Variants in TMPRSS9 observed in about 807,000 individuals in gnomAD.
The protein encoded by TMPRSS9 is transmembrane serine protease 9, also known as transmembrane protease serine 9.
A neutral mutation model predicts 111.4 loss-of-function variants in TMPRSS9; 113 were observed. The observed-to-expected ratio is 1.01, with a 90% CI of 0.87 to 1.19. TMPRSS9 has a LOEUF of 1.19. TMPRSS9 is among the 50% of genes most tolerant of loss of function. TMPRSS9 has a pLI of 0.00. For missense variants in TMPRSS9, 1,803 were observed against 1,513.1 expected (o/e 1.19, Z -3.18); for synonymous variants, 805 against 659.1 (o/e 1.22, Z -3.39).
At chr19:2,383,381 T>C (rs1004515734) in intron 1 of TMPRSS9, among the ~76,000 whole-genome samples, 1 of 148,784 alleles carries the variant, frequency 6.7e-6, no homozygotes, top group Non-Finnish European at 1.5e-5. Flanking sequence ...TTAATTGGGC[T>C]GGGTGGGTGC....
chr19:2,396,049 C>T (rs1263184720), intron 1 of TMPRSS9: 1 of 153,060 alleles, frequency 6.5e-6, no homozygotes, highest in Non-Finnish European at 1.5e-5. Context: ...TTGAAGATGA[C>T]CTCATGGGAC....
intron 4 of TMPRSS9, among the ~76,000 whole-genome samples, chr19:2,400,843 G>C (rs1384685162): frequency 6.6e-6 from 1 of 150,832 alleles, no homozygotes; most frequent in African/African-American, 2.4e-5. Flanking sequence ...GCATGGTGGC[G>C]GGCGCCTATA....
intron 1 of TMPRSS9, among the ~76,000 whole-genome samples, chr19:2,366,607 C>T (rs1002021058): frequency 1.3e-5 from 2 of 150,994 alleles, no homozygotes; most frequent in African/African-American, 4.9e-5. Flanking sequence ...CCTGTAATCC[C>T]AGCACTTTGG....
At chr19:2,421,775 A>G in intron 13 of TMPRSS9, 79 bp from the exon 15 acceptor site, 2 of 1,459,972 alleles carry the variant, frequency 1.4e-6, no homozygotes, top group Non-Finnish European at 1.8e-6. Flanking sequence ...CACCCACTGT[A>G]GGAACGCAGG....
upstream of TMPRSS9, among the ~76,000 whole-genome samples, chr19:2,389,439 G>A (rs1403289085): frequency 7.3e-5 from 9 of 123,260 alleles, no homozygotes; most frequent in East Asian, 2.4e-4. Flanking sequence ...GCGTGATCTC[G>A]GTTCACTGCA....
At chr19:2,404,444 G>A (rs1416283191) in intron 6 of TMPRSS9, among the ~76,000 whole-genome samples, 1 of 151,952 alleles carries the variant, frequency 6.6e-6, no homozygotes, top group Non-Finnish European at 1.5e-5. Flanking sequence ...TTGGGAGGCT[G>A]AGGCAGGAGA....
chr19:2,380,859 A>C (rs1272221768), intron 1 of TMPRSS9, among the ~76,000 whole-genome samples: 1 of 152,158 alleles, frequency 6.6e-6, no homozygotes, highest in Non-Finnish European at 1.5e-5. Context: ...CTTCTGCCAC[A>C]GGGATTCTAG....
At chr19:2,378,178 C>T (rs1038061181) in intron 1 of TMPRSS9, among the ~76,000 whole-genome samples, 2 of 152,130 alleles carry the variant, frequency 1.3e-5, no homozygotes, top group Non-Finnish European at 2.9e-5. Context: ...CCACACCTGA[C>T]CCCCCTTTTC....
chr19:2,413,810 T>A lies in TMPRSS9; in HGVS notation c.1365T>A (p.Tyr455Ter). Reference sequence around the variant, plus strand: ...CGGAAGCCCGGCGTCCAGGGGTCTATGCCCGAGTCACCAGGCTACGTGACT... The same window carrying A: ...CGGAAGCCCGGCGTCCAGGGGTCTAAGCCCGAGTCACCAGGCTACGTGACT... Residue 455 changes from tyrosine (Y) to a stop codon, truncating the protein, a stop_gained, in exon 10 of 18, where the codon TAT (tyrosine) becomes TAA (stop). Coordinates refer to ENST00000648592, the Ensembl canonical transcript of TMPRSS9. LOFTEE classifies it high-confidence loss of function. 6.2e-7 allele frequency: 1 copy of A among 1,613,816 alleles called. No homozygotes were observed. The highest frequency in any genetic ancestry group is 8.5e-7 in the Non-Finnish European group (1 of 1,180,016).
chr19:2,363,787 T>TGTGTGTGTGTGTGCGCGCGC (rs143993232), intron 1 of TMPRSS9, among the ~76,000 whole-genome samples: 2 of 132,570 alleles, frequency 1.5e-5, no homozygotes, highest in African/African-American at 5.9e-5. Flanking sequence ...ACTCTGTGTG[T>TGTGTGTGTGTGTGCGCGCGC]GAGTGTGTGT....
At chr19:2,389,455 C>T (rs1221844142), upstream of TMPRSS9, among the ~76,000 whole-genome samples, 7 of 150,558 alleles carry the variant, frequency 4.6e-5, no homozygotes, top group African/African-American at 9.8e-5. Flanking sequence ...CTGCAGCCTC[C>T]GCCTCCCGGG....
chr19:2,363,273 A>G (rs921486174), intron 1 of TMPRSS9, among the ~76,000 whole-genome samples: 1 of 152,150 alleles, frequency 6.6e-6, no homozygotes, highest in Non-Finnish European at 1.5e-5. Flanking sequence ...GAGAGTCCTT[A>G]GGCAAAAGGT....
At chr19:2,399,028 T>G in exon 4 of TMPRSS9, 1 of 1,611,466 alleles carries the variant, frequency 6.2e-7, no homozygotes, top group Non-Finnish European at 8.5e-7. Context: ...GGATGGGAAC[T>G]CCAGTGTCCT....
intron 6 of TMPRSS9, among the ~76,000 whole-genome samples, chr19:2,403,821 CT>C (rs1390057969): frequency 1.3e-5 from 2 of 151,754 alleles, no homozygotes; most frequent in East Asian, 1.9e-4. Flanking sequence ...GTGAAACCCC[CT>C]CTCTACTAAA....
intron 9 of TMPRSS9, among the ~76,000 whole-genome samples, chr19:2,412,517 C>T (rs1360207497): frequency 6.6e-6 from 1 of 152,144 alleles, no homozygotes; most frequent in East Asian, 1.9e-4. Flanking sequence ...ATTCTATGTA[C>T]CCTTTCAAGG....
At chr19:2,396,264 C>T (rs1180915890) in intron 1 of TMPRSS9, 6 of 355,744 alleles carry the variant, frequency 1.7e-5, no homozygotes, top group Non-Finnish European at 2.5e-5. Context: ...ATCTGGGGCT[C>T]ACTTGGCACT....
chr19:2,389,502 T>TG (rs879066447), upstream of TMPRSS9, among the ~76,000 whole-genome samples: 2 of 151,698 alleles, frequency 1.3e-5, no homozygotes, highest in Non-Finnish European at 2.9e-5. Flanking sequence ...CCTGGGTAGC[T>TG]GGATTACAGG....
exon 18 of TMPRSS9, chr19:2,425,944 C>T (rs756223737): frequency 5.6e-6 from 9 of 1,600,284 alleles, no homozygotes; most frequent in African/African-American, 1.4e-5. Context: ...CTGGGGGACC[C>T]CTGGCCTGCA....
chr19:2,395,214 TC>T (rs1370765600), intron 1 of TMPRSS9, among the ~76,000 whole-genome samples: 5 of 152,212 alleles, frequency 3.3e-5, no homozygotes, highest in Admixed American at 3.3e-4. Flanking sequence ...GGTCAGGAGT[TC>T]CAGAGCAGCC....
Sources: allele counts gnomAD v4.1 joint callset (sites outside exome capture counted in the v4.1 genomes callset), GRCh38; gene constraint gnomAD v4.1.1; transcripts MANE v1.5; gene names NCBI Gene and HGNC (gene_info 2026-07-23, HGNC 2026-07-21).